Variants in FSHR observed in about 807,000 individuals in gnomAD.
FSHR encodes follicle-stimulating hormone receptor.
A neutral mutation model predicts 52.1 loss-of-function variants in FSHR; 46 were observed. The observed-to-expected ratio is 0.88, with a 90% CI of 0.70 to 1.13. FSHR has a LOEUF of 1.13. Among genes scored for constraint, FSHR ranks in the 50% most tolerant of loss-of-function variants. FSHR has a pLI of 0.00. For synonymous variants in FSHR, 399 were observed against 309.6 expected (o/e 1.29, Z -3.03); for missense variants, 964 against 834.6 (o/e 1.16, Z -1.91).
chr2:48,972,186 T>C (rs543830911), intron 8 of FSHR, among the ~76,000 whole-genome samples: 1 of 152,210 alleles, frequency 6.6e-6, no homozygotes, highest in African/African-American at 2.4e-5. Context: ...ATGCAAAAAC[T>C]TTGATGCCTA....
chr2:48,995,847 A>ATT (rs142889441), intron 4 of FSHR, among the ~76,000 whole-genome samples: 3 of 151,456 alleles, frequency 2.0e-5, no homozygotes, highest in Admixed American at 1.3e-4. Context: ...CAAGGAAAAC[A>ATT]TTTTTTTTTA....
intron 1 of FSHR, among the ~76,000 whole-genome samples, chr2:49,092,005 C>A (rs1670630235): frequency 6.6e-6 from 1 of 152,190 alleles, no homozygotes; most frequent in Admixed American, 6.5e-5. Flanking sequence ...ATGAACACAA[C>A]ACAGTATGGC....
At chr2:48,979,808 TGTG>T (rs1363092030) in intron 8 of FSHR, among the ~76,000 whole-genome samples, 53 of 150,574 alleles carry the variant, frequency 3.5e-4, no homozygotes, top group Middle Eastern at 3.4e-3. Flanking sequence ...ACAGTCTTTG[TGTG>T]TGTGTGTGTG....
intron 2 of FSHR, among the ~76,000 whole-genome samples, chr2:49,027,179 A>G (rs908268637): frequency 6.6e-6 from 1 of 151,922 alleles, no homozygotes; most frequent in Non-Finnish European, 1.5e-5. Context: ...AATTCTCTCA[A>G]TTACTCTCTT....
chr2:48,985,453 A>C (rs754435116), intron 6 of FSHR, among the ~76,000 whole-genome samples: 1 of 152,042 alleles, frequency 6.6e-6, no homozygotes, highest in Admixed American at 6.5e-5. Context: ...GAATTAGGAC[A>C]TTATTCTCCT....
intron 4 of FSHR, among the ~76,000 whole-genome samples, chr2:49,002,648 G>A (rs1036187765): frequency 1.3e-5 from 2 of 152,062 alleles, no homozygotes; most frequent in Non-Finnish European, 2.9e-5. Flanking sequence ...CAGCATGGGG[G>A]TAGCAGCCCC....
At chr2:49,000,246 G>A (rs1676197051) in intron 4 of FSHR, among the ~76,000 whole-genome samples, 1 of 152,058 alleles carries the variant, frequency 6.6e-6, no homozygotes, top group Admixed American at 6.6e-5. Flanking sequence ...TCAGTCTCAA[G>A]GTCAGTTTCC....
At chr2:48,988,195 T>A (rs576762192) in intron 6 of FSHR, among the ~76,000 whole-genome samples, 2 of 152,348 alleles carry the variant, frequency 1.3e-5, no homozygotes, top group Admixed American at 1.3e-4. Context: ...TTATGTTTTG[T>A]ACATATAGGC....
At chr2:48,964,655 C>A (rs1007245898) in intron 9 of FSHR, among the ~76,000 whole-genome samples, 3 of 152,040 alleles carry the variant, frequency 2.0e-5, no homozygotes, top group African/African-American at 4.8e-5. Context: ...TAGTGAGTGC[C>A]CCAAAGAACA....
chr2:49,042,912 G>C (rs1219886645), intron 2 of FSHR, among the ~76,000 whole-genome samples: 1 of 152,152 alleles, frequency 6.6e-6, no homozygotes, highest in Non-Finnish European at 1.5e-5. Flanking sequence ...TTACTGACCA[G>C]GCACCGTCTA....
chr2:49,072,011 G>A (rs1417742429), intron 1 of FSHR, among the ~76,000 whole-genome samples: 1 of 152,112 alleles, frequency 6.6e-6, no homozygotes, highest in African/African-American at 2.4e-5. Context: ...ATATAAGTGG[G>A]TTGTCATAAT....
At position 48,968,889 on chromosome 2, in the gene FSHR, A is replaced by G; in HGVS notation, c.669-6T>C. On this transcript the variant is annotated splice_region_variant and splice_polypyrimidine_tract_variant and intron_variant, in intron 8 of 9. Coordinates refer to ENST00000406846, the MANE Select transcript of FSHR (RefSeq NM_000145.4). ...TCCTTGTTCTTGAAATATCTCTATA[A>G]AGAGAAAAGGTAAATATAACAGGAT... 2 of 1,612,352 alleles carry G rather than the reference A, an allele frequency of 1.2e-6. No individual in the cohort carries two copies. The highest frequency in any genetic ancestry group is 1.7e-5 in the Admixed American group (1 of 59,986).
At chr2:49,092,659 ATTATT>A (rs1222096902) in intron 1 of FSHR, among the ~76,000 whole-genome samples, 1 of 151,704 alleles carries the variant, frequency 6.6e-6, no homozygotes, top group Non-Finnish European at 1.5e-5. Context: ...TCTTTATTTT[ATTATT>A]TTATTTTTAT....
At chr2:49,074,182 A>G (rs1477780491) in intron 1 of FSHR, among the ~76,000 whole-genome samples, 2 of 152,124 alleles carry the variant, frequency 1.3e-5, no homozygotes, top group African/African-American at 4.8e-5. Context: ...AAAAATAAAC[A>G]AATGGGATTA....
intron 1 of FSHR, among the ~76,000 whole-genome samples, chr2:49,114,265 A>T (rs951542290): frequency 4.6e-5 from 7 of 152,152 alleles, no homozygotes; most frequent in Non-Finnish European, 1.0e-4. Context: ...GCATTATCCA[A>T]ATGCTGAACA....
At chr2:49,120,606 G>T (rs143806105) in intron 1 of FSHR, among the ~76,000 whole-genome samples, 1 of 152,306 alleles carries the variant, frequency 6.6e-6, no homozygotes, top group Non-Finnish European at 1.5e-5. Flanking sequence ...AGAATCAAGA[G>T]ATATTGTGCT....
At chr2:49,067,998 T>G (rs1209697894) in intron 2 of FSHR, among the ~76,000 whole-genome samples, 1 of 151,380 alleles carries the variant, frequency 6.6e-6, no homozygotes, top group African/African-American at 2.4e-5. Context: ...ATGATGAAAA[T>G]TGCTTGGATT....
chr2:48,968,218 TC>T (rs888889609), intron 9 of FSHR, among the ~76,000 whole-genome samples: 16 of 152,256 alleles, frequency 1.1e-4, no homozygotes, highest in Admixed American at 7.2e-4. Flanking sequence ...GGTAGGAAGA[TC>T]CCAAGGTGGA....
chr2:49,068,460 TG>T, intron 1 of FSHR, among the ~76,000 whole-genome samples, 170 bp from the exon 2 acceptor site: 1 of 152,204 alleles, frequency 6.6e-6, no homozygotes, highest in Non-Finnish European at 1.5e-5. Flanking sequence ...CTAGTGATAC[TG>T]AAACTATTAG....
Sources: gnomAD v4.1 joint callset for allele counts (sites outside exome capture counted in the v4.1 genomes callset) on GRCh38, gnomAD v4.1.1 for gene constraint, MANE v1.5 for transcripts, NCBI Gene and HGNC (gene_info 2026-07-23, HGNC 2026-07-21) for gene names.